Variants in MROH9 observed in about 807,000 individuals in gnomAD.
MROH9 encodes the protein maestro heat like repeat family member 9.
Under a neutral mutation model 98.2 loss-of-function variants are expected in MROH9, and 92 were observed. The ratio of observed to expected loss-of-function variants is 0.94; its 90% confidence interval spans 0.79 to 1.11. The LOEUF (loss-of-function observed/expected upper bound fraction) is 1.11, where lower values mean the gene tolerates loss of function less well. Among genes scored for constraint, MROH9 ranks in the 50% most tolerant of loss-of-function variants. The probability of loss-of-function intolerance (pLI) is 0.00; values close to 1 mark genes in which losing one functional copy is unlikely to be tolerated. For synonymous variants in MROH9, 397 were observed against 368.9 expected (o/e 1.08, Z -0.87); for missense variants, 1,057 against 1,014.8 (o/e 1.04, Z -0.57).
intron 6 of MROH9, among the ~76,000 whole-genome samples, chr1:170,963,531 A>C (rs896600076): frequency 3.3e-5 from 5 of 152,136 alleles, no homozygotes; most frequent in Admixed American, 6.6e-5. Context: ...ACAAATGCAC[A>C]CATATACTTG....
At chr1:170,997,835 A>G (rs1169915908) in intron 14 of MROH9, among the ~76,000 whole-genome samples, 1 of 152,194 alleles carries the variant, frequency 6.6e-6, no homozygotes, top group Non-Finnish European at 1.5e-5. Context: ...TGGACTAAGC[A>G]CTAGATTTTT....
At chr1:170,937,732 C>A (rs564541367) in intron 1 of MROH9, among the ~76,000 whole-genome samples, 129 of 151,982 alleles carry the variant, frequency 8.5e-4, no homozygotes, top group Middle Eastern at 3.4e-3. Context: ...ACCGTTTTAG[C>A]CGGGATGGTC....
At chr1:170,969,726 G>C (rs1309186246) in intron 7 of MROH9, among the ~76,000 whole-genome samples, 5 of 152,120 alleles carry the variant, frequency 3.3e-5, no homozygotes, top group Admixed American at 3.3e-4. Context: ...ACAGTTAAAA[G>C]GGCCAGAAAA....
intron 20 of MROH9, among the ~76,000 whole-genome samples, chr1:171,056,236 A>G (rs964143582): frequency 5.9e-5 from 9 of 152,200 alleles, no homozygotes; most frequent in African/African-American, 2.2e-4. Context: ...CTAACATGTT[A>G]AGCTCCTTGG....
chr1:170,977,053 T>G (rs28834164), intron 8 of MROH9, among the ~76,000 whole-genome samples: 52,313 of 151,944 alleles, frequency 0.34, 9,163 homozygotes, highest in Middle Eastern at 0.47. Context: ...CATTTGCATT[T>G]TGAAATTCTT....
rs993250880 is a variant in MROH9, at chr1:170,950,500, C to A, written c.72+2927C>A. Among the ~76,000 whole-genome samples, 69 of 149,650 alleles carry A rather than the reference C, an allele frequency of 4.6e-4. 1 individual carries two copies. The highest frequency in any genetic ancestry group is 8.2e-4 in the Non-Finnish European group (55 of 66,958). The stretch of plus-strand genomic sequence containing the variant: ...ATACCTTAGAGGCTAAAACTGCTCA[C>A]AAAAGAGTATCATTAACATTCTTAT... On this transcript the variant is annotated intron_variant, in intron 3 of 21. Coordinates refer to ENST00000367759, the MANE Select transcript of MROH9 (RefSeq NM_001163629.2).
rs753482763 is a variant in MROH9 at position 171,014,114 on chromosome 1, C to A, written c.1597-3C>A. 34 of 1,548,574 alleles carry A rather than the reference C, an allele frequency of 2.2e-5. No homozygotes were observed. The highest frequency in any genetic ancestry group is 2.9e-5 in the Non-Finnish European group (33 of 1,145,906). ...TATAAACTTATTAACTATTTTCTTT[C>A]AGCTTCTGAATAACTTCTTCAAGGA... is the stretch of plus-strand genomic sequence containing the variant. On this transcript the variant is annotated splice_region_variant and splice_polypyrimidine_tract_variant and intron_variant, in intron 15 of 21. Transcript: ENST00000367759.
chr1:171,020,955 A>G (rs1187448334), intron 17 of MROH9, among the ~76,000 whole-genome samples: 1 of 152,148 alleles, frequency 6.6e-6, no homozygotes, highest in Non-Finnish European at 1.5e-5. Context: ...AAACATTTCC[A>G]TGCACCAACA....
At position 170,941,757 on chromosome 1, in the gene MROH9, G is replaced by A. The variant is rs61815204; in HGVS notation, c.-37-3763G>A. ...GCAAGCACAGAGCTCCTCAAGGATG[G>A]TGGGACTTCCCTCACAAATTGCTTG... On this transcript the variant is annotated intron_variant, in intron 1 of 21. Coordinates refer to ENST00000367759, the MANE Select transcript of MROH9 (RefSeq NM_001163629.2). Among the ~76,000 whole-genome samples, 6 of 152,254 alleles carry A rather than the reference G, an allele frequency of 3.9e-5. No individual in the cohort carries two copies. In the East Asian group the frequency reaches 9.7e-4, roughly 25 times the overall value.
intron 10 of MROH9, among the ~76,000 whole-genome samples, chr1:170,987,994 A>C (rs533762953): frequency 6.6e-6 from 1 of 152,308 alleles, no homozygotes; most frequent in South Asian, 2.1e-4. Context: ...CATTTTGTGA[A>C]CACCACATGT....
At chr1:170,965,851 G>T (rs544169777) in intron 7 of MROH9, among the ~76,000 whole-genome samples, 1 of 151,958 alleles carries the variant, frequency 6.6e-6, no homozygotes, top group East Asian at 1.9e-4. Context: ...TTCACATATG[G>T]TTCTACAATT....
Position 170,992,259 on chromosome 1 carries a change from G to A in MROH9, c.1124G>A (p.Gly375Glu), listed in dbSNP as rs769191592. 4 of 1,613,556 alleles carry A rather than the reference G, an allele frequency of 2.5e-6. No homozygotes were observed. Among genetic ancestry groups the A allele is most frequent in the Non-Finnish European group, 2.5e-6 (3 of 1,179,672 alleles). Residue 375 changes from glycine (G) to glutamate (E), a missense_variant, in exon 12 of 22, where the codon GGG becomes GAG. Gly to Glu is a moderately conservative substitution (Grantham distance 98). Transcript: ENST00000367759. ...TILLILKGKP[G>E]EMEDTVTEGK... Reference sequence around the variant, plus strand: ...TTATTGATACTGAAAGGAAAGCCTGGGGAAATGGAGGACACCGTAACGGAA... The same window carrying A: ...TTATTGATACTGAAAGGAAAGCCTGAGGAAATGGAGGACACCGTAACGGAA...
intron 17 of MROH9, among the ~76,000 whole-genome samples, chr1:171,020,823 T>G (rs1652493436): frequency 6.6e-6 from 1 of 152,144 alleles, no homozygotes; most frequent in South Asian, 2.1e-4. Flanking sequence ...GAAGTCAAAT[T>G]GTCTCTGTTT....
rs1215667299 is a variant in MROH9, at chr1:170,969,839, AG to A, written c.481-1907del. Among the ~76,000 whole-genome samples the A allele has an allele frequency of 7.9e-5, 12 of 152,238 alleles. 1 individual carries two copies. The East Asian group carries it at 2.3e-3, about 29-fold the overall frequency. On this transcript the variant is annotated intron_variant, in intron 7 of 21. Transcript: ENST00000367759. Reference sequence around the variant, plus strand: ...TAGTACTTGGGTAGATTTTCTATAAAGGCAGGATATATCATACCGAAAGCTC... The same window carrying A: ...TAGTACTTGGGTAGATTTTCTATAAAGCAGGATATATCATACCGAAAGCTC...
chr1:170,969,871 G>A (rs772673118), intron 7 of MROH9, among the ~76,000 whole-genome samples: 11 of 152,128 alleles, frequency 7.2e-5, no homozygotes, highest in Non-Finnish European at 1.6e-4. Flanking sequence ...AGCTCTCAAA[G>A]TCTCATCTTA....
chr1:170,977,060 T>A (rs549005073), intron 8 of MROH9, among the ~76,000 whole-genome samples: 1 of 152,330 alleles, frequency 6.6e-6, no homozygotes, highest in African/African-American at 2.4e-5. Flanking sequence ...ATTTTGAAAT[T>A]CTTGTAGTGT....
chr1:170,995,309 T>A, intron 12 of MROH9, 80 bp from the exon 13 acceptor site: 1 of 1,499,830 alleles, frequency 6.7e-7, no homozygotes, highest in Non-Finnish European at 9.1e-7. Context: ...GCAGAGTCAC[T>A]CTCTTGCTCC....
intron 12 of MROH9, among the ~76,000 whole-genome samples, chr1:170,993,336 T>C (rs950175834): frequency 1.3e-5 from 2 of 152,190 alleles, no homozygotes; most frequent in Admixed American, 6.5e-5. Flanking sequence ...ATATGTCATT[T>C]GTTTGCATTG....
intron 17 of MROH9, among the ~76,000 whole-genome samples, chr1:171,022,150 G>A (rs1392921041): frequency 2.0e-5 from 3 of 152,182 alleles, no homozygotes; most frequent in Non-Finnish European, 4.4e-5. Flanking sequence ...CTGTTGGTGG[G>A]AATGTAAATT....
Sources: allele counts gnomAD v4.1 joint callset (sites outside exome capture counted in the v4.1 genomes callset), GRCh38; gene constraint gnomAD v4.1.1; transcripts MANE v1.5; gene names NCBI Gene and HGNC (gene_info 2026-07-23, HGNC 2026-07-21).